Variants in KIAA1217 observed in about 807,000 individuals in gnomAD.
KIAA1217 encodes the protein sickle tail protein homolog.
In KIAA1217, 88 loss-of-function variants were observed where a neutral mutation model predicts 163.9. The ratio of observed to expected loss-of-function variants is 0.54; its 90% CI spans 0.45 to 0.64. KIAA1217 has a LOEUF of 0.64. KIAA1217 is among the 30% of genes least tolerant of loss of function. KIAA1217 has a pLI of 0.00. For missense variants in KIAA1217, 2,372 were observed against 2,475.0 expected (o/e 0.96, Z 0.88); for synonymous variants, 903 against 923.1 (o/e 0.98, Z 0.39).
intron 9 of KIAA1217, among the ~76,000 whole-genome samples, chr10:24,512,783 G>A (rs879469865): frequency 6.6e-6 from 1 of 152,210 alleles, no homozygotes; most frequent in African/African-American, 2.4e-5. Context: ...ACACCATGCG[G>A]TATTTCATGT....
chr10:24,031,684 T>C (rs1432045230), intron 2 of KIAA1217, among the ~76,000 whole-genome samples: 3 of 151,860 alleles, frequency 2.0e-5, no homozygotes, highest in Admixed American at 2.0e-4. Context: ...TTTCTTAATT[T>C]CACTGTTTGT....
At chr10:24,291,700 T>A (rs1452309903) in intron 2 of KIAA1217, among the ~76,000 whole-genome samples, 1 of 152,178 alleles carries the variant, frequency 6.6e-6, no homozygotes, top group African/African-American at 2.4e-5. Context: ...ACCATTTTTT[T>A]ATACCACCAT....
chr10:23,941,302 G>A (rs536467509), intron 1 of KIAA1217, among the ~76,000 whole-genome samples: 8 of 152,250 alleles, frequency 5.3e-5, no homozygotes, highest in African/African-American at 7.2e-5. Context: ...CTGGGTTCAC[G>A]AATGGTGACG....
At chr10:24,021,971 A>T (rs878873301) in intron 2 of KIAA1217, among the ~76,000 whole-genome samples, 2 of 151,834 alleles carry the variant, frequency 1.3e-5, no homozygotes, top group Admixed American at 6.6e-5. Context: ...GTAAAACCCA[A>T]AACTATAAAA....
rs1246398349 is a variant in KIAA1217 at position 23,775,335 on chromosome 10, A to G, written c.-321+80101A>G. Among the ~76,000 whole-genome samples the G allele has an allele frequency of 3.3e-5, 5 of 152,332 alleles. No homozygotes were observed. The East Asian group carries it at 9.6e-4, about 29-fold the overall frequency. Reference sequence around the variant, plus strand: ...ATGGGAAGTCAGAACAGCAGGACCCATAGGAGGAACGGAGATGGGCATATT... The same window carrying G: ...ATGGGAAGTCAGAACAGCAGGACCCGTAGGAGGAACGGAGATGGGCATATT... On this transcript the variant is annotated intron_variant, in intron 1 of 18. Transcript: ENST00000376462.
chr10:24,355,186 T>C (rs1364870779), intron 2 of KIAA1217, among the ~76,000 whole-genome samples: 1 of 151,868 alleles, frequency 6.6e-6, no homozygotes, highest in African/African-American at 2.4e-5. Context: ...CCAGAGGAGG[T>C]TGCAGCTGTG....
intron 1 of KIAA1217, among the ~76,000 whole-genome samples, chr10:23,848,179 G>A (rs956537258): frequency 6.6e-6 from 1 of 152,086 alleles, no homozygotes; most frequent in African/African-American, 2.4e-5. Context: ...TGAGAAGAAT[G>A]TATATTCTGT....
intron 3 of KIAA1217, among the ~76,000 whole-genome samples, chr10:24,388,496 T>A (rs2054343758): frequency 1.3e-5 from 2 of 152,150 alleles, no homozygotes; most frequent in African/African-American, 4.8e-5. Flanking sequence ...GACAGAGGCA[T>A]GGGCAAAGAC....
intron 1 of KIAA1217, among the ~76,000 whole-genome samples, chr10:23,878,230 G>A (rs972214047): frequency 4.6e-5 from 7 of 151,836 alleles, no homozygotes; most frequent in Non-Finnish European, 1.0e-4. Context: ...CATTCTTTAT[G>A]GAGGCATACT....
chr10:24,190,607 C>G (rs1327925007), intron 2 of KIAA1217, among the ~76,000 whole-genome samples: 1 of 152,092 alleles, frequency 6.6e-6, no homozygotes, highest in Non-Finnish European at 1.5e-5. Flanking sequence ...CACAGATTCC[C>G]CCATATTTCC....
At chr10:24,280,686 T>G (rs1366735189) in intron 2 of KIAA1217, among the ~76,000 whole-genome samples, 1 of 151,938 alleles carries the variant, frequency 6.6e-6, no homozygotes, top group Non-Finnish European at 1.5e-5. Flanking sequence ...CACAGGCGCC[T>G]GTAGTCCCAG....
At chr10:24,194,714 G>A (rs1239292604) in intron 2 of KIAA1217, among the ~76,000 whole-genome samples, 5 of 150,364 alleles carry the variant, frequency 3.3e-5, no homozygotes, top group Admixed American at 2.0e-4. Flanking sequence ...CTCTGCAGTA[G>A]CTGGGACTAT....
At chr10:23,719,404 C>T (rs1837742302) in intron 1 of KIAA1217, among the ~76,000 whole-genome samples, 1 of 151,982 alleles carries the variant, frequency 6.6e-6, no homozygotes, top group African/African-American at 2.4e-5. Context: ...AACATAGCGA[C>T]ACGCTATCTC....
chr10:24,033,394 C>T (rs1848268492), intron 2 of KIAA1217, among the ~76,000 whole-genome samples: 1 of 152,112 alleles, frequency 6.6e-6, no homozygotes, highest in African/African-American at 2.4e-5. Flanking sequence ...CTACATATGG[C>T]CACCTATATA....
intron 2 of KIAA1217, among the ~76,000 whole-genome samples, chr10:24,051,456 C>G (rs1849505316): frequency 6.6e-6 from 1 of 152,130 alleles, no homozygotes; most frequent in South Asian, 2.1e-4. Context: ...GATAGTTCTT[C>G]TTTTAGTTAC....
chr10:24,386,560 CTATTT>C (rs2054030154), intron 3 of KIAA1217, among the ~76,000 whole-genome samples: 1 of 127,676 alleles, frequency 7.8e-6, no homozygotes, highest in Non-Finnish European at 1.6e-5. Context: ...AAAAATAAAT[CTATTT>C]TATTTATTTA....
At chr10:23,986,182 A>G (rs1208112896) in intron 1 of KIAA1217, among the ~76,000 whole-genome samples, 1 of 152,236 alleles carries the variant, frequency 6.6e-6, no homozygotes, top group Non-Finnish European at 1.5e-5. Context: ...AGGGATTCAT[A>G]AAACTGTGCC....
chr10:24,102,560 G>C (rs2062457086), intron 2 of KIAA1217, among the ~76,000 whole-genome samples: 1 of 152,072 alleles, frequency 6.6e-6, no homozygotes, highest in Non-Finnish European at 1.5e-5. Context: ...TATATGAAGA[G>C]GCAAATGACC....
intron 1 of KIAA1217, among the ~76,000 whole-genome samples, chr10:23,918,170 TTA>T (rs1554823653): frequency 1.0e-4 from 15 of 143,276 alleles, no homozygotes; most frequent in South Asian, 6.6e-4. Context: ...TTTTTTTTTT[TTA>T]AAGAGATAGG....
Sources: allele counts gnomAD v4.1 joint callset (sites outside exome capture counted in the v4.1 genomes callset), GRCh38; gene constraint gnomAD v4.1.1; transcripts MANE v1.5; gene names NCBI Gene and HGNC (gene_info 2026-07-23, HGNC 2026-07-21).